The following CEP63 variants were observed in gnomAD, a reference collection of about 807,000 sequenced individuals.
CEP63 encodes the protein centrosomal protein 63, also known as centrosomal protein of 63 kDa.
CEP63 carries 84 observed loss-of-function variants against 89.1 expected under a neutral mutation model. That is an observed-to-expected ratio of 0.94 (90% confidence interval 0.79 to 1.13). The LOEUF is 1.13. Ranked by LOEUF, CEP63 falls within the 50% of genes most tolerant of loss-of-function variation. CEP63 has a pLI of 0.00. For synonymous variants in CEP63, 267 were observed against 272.5 expected (o/e 0.98, Z 0.20); for missense variants, 838 against 813.3 (o/e 1.03, Z -0.37).
the CEP63 span, among the ~76,000 whole-genome samples, chr3:134,642,110 G>C: frequency 5.9e-5 from 9 of 152,172 alleles, no homozygotes; most frequent in Non-Finnish European, 1.2e-4. Context: ...AAGGGACACT[G>C]GCCTGTACTG....
Position 134,532,807 on chromosome 3 carries a change from G to T in CEP63, c.348G>T (p.Lys116Asn), listed in dbSNP as rs1196313511. Reference sequence around the variant, plus strand: ...GCATACTGAAGAGAAGCTATGAAAAGCTTCAGAAAAAGCAAATGAGGGAAT... The same window carrying T: ...GCATACTGAAGAGAAGCTATGAAAATCTTCAGAAAAAGCAAATGAGGGAAT... ...ELCILKRSYE[K>N]LQKKQMREFR... Residue 116 changes from lysine to asparagine, a missense_variant, in exon 5 of 15, where the codon AAG becomes AAT. Physicochemically the swap from Lys to Asn is moderately conservative, Grantham distance 94. Transcript: ENST00000675561. 6.2e-7 allele frequency: 1 copy of T among 1,609,348 alleles called. No homozygotes were observed. The highest frequency in any genetic ancestry group is 1.3e-5 in the African/African-American group (1 of 74,810).
At chr3:134,614,301 C>T in the CEP63 span, among the ~76,000 whole-genome samples, 1 of 152,110 alleles carries the variant, frequency 6.6e-6, no homozygotes, top group African/African-American at 2.4e-5. Flanking sequence ...ATTTAATGAC[C>T]TCAGACTGCA....
chr3:134,662,915 C>T, the CEP63 span, among the ~76,000 whole-genome samples: 1 of 152,218 alleles, frequency 6.6e-6, no homozygotes, highest in Non-Finnish European at 1.5e-5. Flanking sequence ...CAGGGTCCTA[C>T]TGGAGGATTC....
the CEP63 span, among the ~76,000 whole-genome samples, chr3:134,746,778 C>CT: frequency 6.6e-6 from 1 of 152,046 alleles, no homozygotes; most frequent in Admixed American, 6.6e-5. Flanking sequence ...GGATTGTTTG[C>CT]TTTTTTCTTG....
chr3:134,722,869 G>A, the CEP63 span, among the ~76,000 whole-genome samples: 149,752 of 152,308 alleles, frequency 0.98, 73,667 homozygotes, highest in East Asian at 1. Flanking sequence ...TTCAATAAAA[G>A]ATGATTCCAA....
the CEP63 span, among the ~76,000 whole-genome samples, chr3:134,675,041 G>A: frequency 6.6e-6 from 1 of 152,078 alleles, no homozygotes; most frequent in Non-Finnish European, 1.5e-5. Flanking sequence ...GGAAAATGCT[G>A]AGCATAAAAT....
the CEP63 span, among the ~76,000 whole-genome samples, chr3:134,593,588 A>G: frequency 6.6e-6 from 1 of 152,176 alleles, no homozygotes; most frequent in Non-Finnish European, 1.5e-5. Context: ...CATGACTGCC[A>G]ACGCTGAGGA....
chr3:134,525,615 T>G (rs766228827), intron 3 of CEP63, among the ~76,000 whole-genome samples: 1 of 152,250 alleles, frequency 6.6e-6, no homozygotes, highest in Non-Finnish European at 1.5e-5. Context: ...TGCTTTATAG[T>G]ATCACTGGTC....
chr3:134,486,045 G>A, upstream of CEP63: 1 of 983,346 alleles, frequency 1.0e-6, no homozygotes, highest in Non-Finnish European at 1.2e-6. Flanking sequence ...TCGGATTCCC[G>A]GATGTGGGTG....
the CEP63 span, among the ~76,000 whole-genome samples, chr3:134,726,371 C>T: frequency 2.0e-5 from 3 of 151,978 alleles, no homozygotes; most frequent in Admixed American, 6.6e-5. Flanking sequence ...CCAGAATCCT[C>T]CTTGTTTACC....
chr3:134,530,467 AT>A (rs1450212180), intron 3 of CEP63, among the ~76,000 whole-genome samples: 1 of 152,102 alleles, frequency 6.6e-6, no homozygotes, highest in Non-Finnish European at 1.5e-5. Context: ...CTTTTTACAA[AT>A]TTGTAAGTCT....
chr3:134,601,753 G>A, the CEP63 span, among the ~76,000 whole-genome samples: 89 of 152,370 alleles, frequency 5.8e-4, no homozygotes, highest in Middle Eastern at 3.4e-3. Flanking sequence ...CCTGTTGGAT[G>A]ATGGGCACCC....
chr3:134,532,379 T>G (rs1352111179), intron 4 of CEP63, among the ~76,000 whole-genome samples: 1 of 152,196 alleles, frequency 6.6e-6, no homozygotes, highest in African/African-American at 2.4e-5. Flanking sequence ...AAAACTGCTT[T>G]TATTCTGATT....
At chr3:134,547,963 C>A (rs1271799227) in intron 9 of CEP63, among the ~76,000 whole-genome samples, 2 of 152,126 alleles carry the variant, frequency 1.3e-5, no homozygotes, top group Non-Finnish European at 2.9e-5. Flanking sequence ...ACCTCTTAAT[C>A]TTTCTGTCAT....
At chr3:134,721,351 T>C in the CEP63 span, among the ~76,000 whole-genome samples, 1 of 152,140 alleles carries the variant, frequency 6.6e-6, no homozygotes, top group South Asian at 2.1e-4. Context: ...TGAACTCGTT[T>C]ATTAGTTCCA....
In CEP63 at chr3:134,549,283, A is replaced by G. The variant is rs938279302; in HGVS notation, c.1182+107A>G. 22 of 726,464 alleles carry G rather than the reference A, an allele frequency of 3.0e-5. No individual in the cohort carries two copies. The African/African-American group carries it at 3.2e-4, about 10-fold the overall frequency. The allele number at this position is 726,464 out of a possible 1,614,324, so 45.0% of individuals were successfully genotyped here. A position where few individuals can be genotyped will look rare whatever the true frequency, so the allele number is the denominator to read the frequency against. ...TTTAATGAGAAAAAAATGTAGTTCA[A>G]GGGACCACTTGATATTTAGGAGTGG... On this transcript the variant is annotated intron_variant, in intron 10 of 14. Transcript: ENST00000675561.
the CEP63 span, among the ~76,000 whole-genome samples, chr3:134,741,713 G>T: frequency 6.6e-6 from 1 of 152,216 alleles, no homozygotes; most frequent in Non-Finnish European, 1.5e-5. Context: ...TTTTAAAAAA[G>T]ATATATTTAC....
chr3:134,572,469 A>G (rs1019963687), intron 11 of CEP63, among the ~76,000 whole-genome samples: 5 of 152,100 alleles, frequency 3.3e-5, no homozygotes, highest in African/African-American at 1.2e-4. Flanking sequence ...GTTACTACCC[A>G]ATGTCTAGCT....
At chr3:134,701,219 TG>T in the CEP63 span, among the ~76,000 whole-genome samples, 4 of 145,024 alleles carry the variant, frequency 2.8e-5, no homozygotes, top group African/African-American at 1.0e-4. Context: ...TATATATGTG[TG>T]TATATATACG....
Sources: allele counts gnomAD v4.1 joint callset (sites outside exome capture counted in the v4.1 genomes callset), GRCh38; gene constraint gnomAD v4.1.1; transcripts MANE v1.5; gene names NCBI Gene and HGNC (gene_info 2026-07-23, HGNC 2026-07-21).